The following CHRNB4 variants were observed in gnomAD, a reference collection of about 807,000 sequenced individuals.
CHRNB4 encodes the protein neuronal acetylcholine receptor subunit beta-4.
In CHRNB4, 23 loss-of-function variants were observed where a neutral mutation model predicts 40.4. That is an observed-to-expected ratio of 0.57 (90% CI 0.41 to 0.81). CHRNB4 has a LOEUF of 0.81. Among genes scored for constraint, CHRNB4 ranks in the 30% least tolerant of loss-of-function variants. The probability of loss-of-function intolerance (pLI) is 0.00; values close to 1 mark genes in which losing one functional copy is unlikely to be tolerated. For synonymous variants in CHRNB4, 285 were observed against 274.4 expected (o/e 1.04, Z -0.38); for missense variants, 568 against 670.6 (o/e 0.85, Z 1.69).
Position 78,641,138 on chromosome 15 carries a change from G to C in CHRNB4, c.-5C>G. ...CAGGGAAGGCGCGCGCCTCATGGCCGGCGGGGCCGGGTGGCAGCCGCCGCG... is the reference window on the plus strand; with the variant it reads ...CAGGGAAGGCGCGCGCCTCATGGCCCGCGGGGCCGGGTGGCAGCCGCCGCG... On this transcript the variant is annotated 5_prime_UTR_variant, in exon 1 of 6. Coordinates refer to ENST00000261751, the MANE Select transcript of CHRNB4 (RefSeq NM_000750.5). The C allele has an allele frequency of 6.4e-7, 1 of 1,553,364 alleles. No homozygotes were observed. Among genetic ancestry groups the C allele is most frequent in the Non-Finnish European group, 8.7e-7 (1 of 1,151,182 alleles).
At chr15:78,631,488 T>C (rs2053810302) in intron 2 of CHRNB4, among the ~76,000 whole-genome samples, 156 bp from the exon 3 acceptor site, 1 of 152,204 alleles carries the variant, frequency 6.6e-6, no homozygotes, top group Non-Finnish European at 1.5e-5. Context: ...ACACTCAGCA[T>C]GTTTGACACA....
intron 6 of CHRNB4, among the ~76,000 whole-genome samples, chr15:78,651,233 G>A (rs74990643): frequency 0.016 from 2,416 of 152,132 alleles, 65 homozygotes; most frequent in African/African-American, 0.055. Flanking sequence ...AAGGCCTCAG[G>A]GTTCATGGAT....
Position 78,646,291 on chromosome 15 carries a change from G to A in CHRNB4, c.46+3088C>T, listed in dbSNP as rs60445394. Among the ~76,000 whole-genome samples the A allele has an allele frequency of 0.011, 1,701 of 152,226 alleles. 219 individuals carry two copies. In the East Asian group the frequency reaches 0.29, roughly 26 times the overall value. On this transcript the variant is annotated intron_variant and NMD_transcript_variant, in intron 7 of 11. Transcript: ENST00000559849. Reference sequence around the variant, plus strand: ...GGGAAAGGATGGATATTCTAAAAACGATGTTGGGACAATTGATTATCCATA... The same window carrying A: ...GGGAAAGGATGGATATTCTAAAAACAATGTTGGGACAATTGATTATCCATA...
At chr15:78,644,624 C>T (rs561692512), upstream of CHRNB4, among the ~76,000 whole-genome samples, 12 of 152,120 alleles carry the variant, frequency 7.9e-5, no homozygotes, top group African/African-American at 2.9e-4. Context: ...CTACAAAAGG[C>T]CTAAGACAAA....
chr15:78,635,593 A>G lies in CHRNB4; in HGVS notation c.56-6T>C, dbSNP rs755852748. ...ATTGGCCACGCGGCAGTTCCCTGAG[A>G]AAACACACAGTCAGACCTGCTGGGC... On this transcript the variant is annotated splice_region_variant and splice_polypyrimidine_tract_variant and intron_variant, in intron 1 of 5. Transcript: ENST00000261751. The G allele has an allele frequency of 1.1e-5, 17 of 1,613,860 alleles. No homozygotes were observed. Among genetic ancestry groups the G allele is most frequent in the Non-Finnish European group, 1.4e-5 (17 of 1,179,902 alleles).
Position 78,629,201 on chromosome 15 carries a change from G to C in CHRNB4, c.1104C>G (p.Thr368=). 1.2e-6 allele frequency: 2 copies of C among 1,613,788 alleles called. No individual in the cohort carries two copies. Among genetic ancestry groups the C allele is most frequent in the South Asian group, 2.2e-5 (2 of 91,062 alleles). ...RAFPPSKSCV[T]KPEATATSTS... is the part of the protein sequence containing the mutation. ...TGGAGGTGGCGGTGGCCTCGGGCTT[G>C]GTCACGCATGACTTGCTGGGCGGGA... Residue 368 remains threonine (T), a synonymous_variant, in exon 5 of 6, where the codon ACC becomes ACG. Coordinates refer to ENST00000261751, the MANE Select transcript of CHRNB4 (RefSeq NM_000750.5). This position sits in a 1 kb window ranked among gnomAD's most constrained non-coding sequence, Gnocchi z 6.8.
At chr15:78,640,975 TC>T in intron 1 of CHRNB4, 103 bp downstream of exon 1, 5 of 1,303,368 alleles carry the variant, frequency 3.8e-6, no homozygotes, top group Admixed American at 2.2e-5. Context: ...CTCGGGCCAC[TC>T]CCCCGGGCGC....
At chr15:78,661,087 A>C, upstream of CHRNB4, 2 of 604,594 alleles carry the variant, frequency 3.3e-6, no homozygotes, top group African/African-American at 1.8e-5. Flanking sequence ...GGCGCGCTTG[A>C]ACTTCCGGCC....
intron 2 of CHRNB4, among the ~76,000 whole-genome samples, chr15:78,632,236 TCTCTCTCTCTCTCTC>T (rs2053844383): frequency 1.1e-5 from 1 of 87,776 alleles, no homozygotes; most frequent in African/African-American, 7.7e-5. Flanking sequence ...TCTCTCTCTC[TCTCTCTCTCTCTCTC>T]TCTCTTTCTT....
chr15:78,642,222 C>CA (rs1362839182), upstream of CHRNB4, among the ~76,000 whole-genome samples: 2 of 152,218 alleles, frequency 1.3e-5, no homozygotes, highest in Admixed American at 1.3e-4. Context: ...ACAACAACAA[C>CA]ACTGTTGAAG....
At chr15:78,634,763 T>C in intron 2 of CHRNB4, 1 of 455,762 alleles carries the variant, frequency 2.2e-6, no homozygotes, top group Non-Finnish European at 4.4e-6. Context: ...CATGGGAAGG[T>C]TTACAATAGG....
chr15:78,641,562 C>A (rs1324696989), upstream of CHRNB4, among the ~76,000 whole-genome samples: 1 of 152,328 alleles, frequency 6.6e-6, no homozygotes, highest in East Asian at 1.9e-4. Flanking sequence ...CTCGAAGACG[C>A]TTTTAGGCAA....
intron 7 of CHRNB4, among the ~76,000 whole-genome samples, chr15:78,647,583 A>C (rs1227565261): frequency 6.6e-6 from 1 of 151,578 alleles, no homozygotes; most frequent in Non-Finnish European, 1.5e-5. Flanking sequence ...GCAGTGGCTC[A>C]CGCCTGTAAT....
At chr15:78,657,548 A>ATATT (rs888787419) in intron 2 of CHRNB4, among the ~76,000 whole-genome samples, 121 of 151,982 alleles carry the variant, frequency 8.0e-4, no homozygotes, top group African/African-American at 2.3e-3. Flanking sequence ...TGCTAGAGGC[A>ATATT]TATTTATTTA....
chr15:78,624,707 A>T lies in CHRNB4; in HGVS notation c.*426T>A, dbSNP rs962988901. Reference sequence around the variant, plus strand: ...GACTCCGTTTAAAAGAAAAAAAAAAAGATGATGATATGGCAAATGCCAAGC... The same window carrying T: ...GACTCCGTTTAAAAGAAAAAAAAAATGATGATGATATGGCAAATGCCAAGC... On this transcript the variant is annotated 3_prime_UTR_variant, in exon 6 of 6. Transcript: ENST00000261751. 3 of 383,988 alleles carry T rather than the reference A, an allele frequency of 7.8e-6. No individual in the cohort carries two copies. Among genetic ancestry groups the T allele is most frequent in the East Asian group, 3.8e-5 (1 of 26,624 alleles). The allele number at this position is 383,988 out of a possible 1,614,324, so 23.8% of individuals were successfully genotyped here.
At chr15:78,632,203 TTCTTTCTTTCTCTTTCTC>T in intron 2 of CHRNB4, among the ~76,000 whole-genome samples, 1 of 101,378 alleles carries the variant, frequency 9.9e-6, no homozygotes, top group African/African-American at 6.3e-5. Context: ...CTTTCTTTCT[TTCTTTCTTTCTCTTTCTC>T]TCTCTCTCTC....
At chr15:78,639,991 G>A (rs2054035847) in intron 1 of CHRNB4, among the ~76,000 whole-genome samples, 1 of 152,186 alleles carries the variant, frequency 6.6e-6, no homozygotes, top group Non-Finnish European at 1.5e-5. Flanking sequence ...CTTTATAGGA[G>A]TAGTACAAAC....
intron 7 of CHRNB4, among the ~76,000 whole-genome samples, chr15:78,646,785 ATAAATT>A (rs1443142134): frequency 3.3e-5 from 5 of 152,224 alleles, no homozygotes; most frequent in African/African-American, 1.2e-4. Flanking sequence ...ATTTCAACAT[ATAAATT>A]TAGAGGGGAC....
chr15:78,647,947 C>T (rs2054140316), intron 7 of CHRNB4, among the ~76,000 whole-genome samples: 1 of 151,124 alleles, frequency 6.6e-6, no homozygotes, highest in Non-Finnish European at 1.5e-5. Context: ...ATACATAAGG[C>T]CTTTCATGAA....
Sources: gnomAD v4.1 joint callset for allele counts (sites outside exome capture counted in the v4.1 genomes callset) on GRCh38, gnomAD v4.1.1 for gene constraint, Gnocchi (gnomAD v3.1) non-coding constraint, MANE v1.5 for transcripts, NCBI Gene and HGNC (gene_info 2026-07-23, HGNC 2026-07-21) for gene names.